The following AMPH variants were observed in gnomAD, a reference collection of about 807,000 sequenced individuals.
AMPH encodes amphiphysin.
A neutral mutation model predicts 99.1 loss-of-function variants in AMPH; 49 were observed. The ratio of observed to expected loss-of-function variants is 0.49; its 90% CI spans 0.39 to 0.63. The LOEUF is 0.63. Ranked by LOEUF, AMPH falls within the 20% of genes least tolerant of loss-of-function variation. The pLI is 0.00. For missense variants in AMPH, 759 were observed against 863.4 expected, an observed-to-expected ratio of 0.88 and a Z score of 1.52; for synonymous variants, 314 against 317.3, an observed-to-expected ratio of 0.99 and a Z score of 0.11.
chr7:38,446,467 G>A (rs56706599), intron 11 of AMPH, among the ~76,000 whole-genome samples: 8,607 of 151,854 alleles, frequency 0.057, 624 homozygotes, highest in East Asian at 0.35. Context: ...ACTCAATAAG[G>A]AGGAATGATA....
At chr7:38,526,570 C>A (rs547865197) in intron 2 of AMPH, among the ~76,000 whole-genome samples, 64 of 151,744 alleles carry the variant, frequency 4.2e-4, no homozygotes, top group Non-Finnish European at 7.6e-4. Context: ...GCCACTGCAC[C>A]CGGCCTCTAT....
chr7:38,451,363 T>C (rs1787018648), intron 11 of AMPH, among the ~76,000 whole-genome samples: 4 of 149,894 alleles, frequency 2.7e-5, no homozygotes, highest in Admixed American at 1.3e-4. Flanking sequence ...TATACACGTA[T>C]ATATATGTGT....
chr7:38,429,766 A>T, intron 14 of AMPH, 76 bp downstream of exon 14: 1 of 1,454,476 alleles, frequency 6.9e-7, no homozygotes, highest in Non-Finnish European at 9.5e-7. Context: ...GAAACAGTTC[A>T]TTCTAGAAAA....
chr7:38,560,217 G>T (rs539230542), intron 1 of AMPH, among the ~76,000 whole-genome samples: 1 of 152,270 alleles, frequency 6.6e-6, no homozygotes, highest in East Asian at 1.9e-4. Context: ...CCCTACTCAT[G>T]ATTATACTTT....
intron 12 of AMPH, among the ~76,000 whole-genome samples, chr7:38,435,256 G>A (rs1034234423): frequency 6.6e-6 from 1 of 152,140 alleles, no homozygotes; most frequent in Non-Finnish European, 1.5e-5. Context: ...AAAGCCTTTA[G>A]AAGCCCAATC....
At chr7:38,601,061 A>T (rs1793229064) in intron 1 of AMPH, among the ~76,000 whole-genome samples, 1 of 152,156 alleles carries the variant, frequency 6.6e-6, no homozygotes, top group South Asian at 2.1e-4. Context: ...GGTCCTTGTT[A>T]TCCAGTGGAT....
At chr7:38,569,977 C>A (rs1433867549) in intron 1 of AMPH, among the ~76,000 whole-genome samples, 5 of 152,010 alleles carry the variant, frequency 3.3e-5, no homozygotes, top group African/African-American at 1.2e-4. Context: ...TTTTTTCAAT[C>A]TAAATGGTAA....
chr7:38,450,932 C>T (rs1253662212), intron 11 of AMPH, among the ~76,000 whole-genome samples: 1 of 151,622 alleles, frequency 6.6e-6, no homozygotes, highest in Non-Finnish European at 1.5e-5. Context: ...CTCTTGTCAC[C>T]TAGGCTGGAA....
intron 15 of AMPH, 36 bp downstream of exon 15, chr7:38,426,918 C>T (rs1437406618): frequency 6.2e-7 from 1 of 1,600,606 alleles, no homozygotes. Context: ...GCATCATTCT[C>T]AGCAGATGGA....
At chr7:38,461,083 TA>T (rs968502975) in intron 11 of AMPH, among the ~76,000 whole-genome samples, 199 bp downstream of exon 11, 9 of 151,990 alleles carry the variant, frequency 5.9e-5, no homozygotes, top group African/African-American at 2.2e-4. Flanking sequence ...TACCCTTAAT[TA>T]AAAAAAAGAT....
At chr7:38,473,848 A>C (rs1432169387) in intron 7 of AMPH, among the ~76,000 whole-genome samples, 1 of 152,088 alleles carries the variant, frequency 6.6e-6, no homozygotes, top group Non-Finnish European at 1.5e-5. Flanking sequence ...GTGAATAACT[A>C]AATAAATTCA....
At chr7:38,593,693 C>G (rs923111090) in intron 1 of AMPH, among the ~76,000 whole-genome samples, 1 of 152,232 alleles carries the variant, frequency 6.6e-6, no homozygotes, top group African/African-American at 2.4e-5. Context: ...CACTGAAATG[C>G]TGCATCCTGT....
At chr7:38,454,466 A>G (rs1787152254) in intron 11 of AMPH, among the ~76,000 whole-genome samples, 1 of 152,106 alleles carries the variant, frequency 6.6e-6, no homozygotes. Context: ...TTTTACTTGT[A>G]GAAAAAAGAG....
chr7:38,608,666 T>TCAAATCA (rs1266953923), intron 1 of AMPH, among the ~76,000 whole-genome samples: 5 of 152,158 alleles, frequency 3.3e-5, no homozygotes, highest in African/African-American at 1.2e-4. Flanking sequence ...TAATCAATAC[T>TCAAATCA]GACATCAAAC....
chr7:38,510,957 C>T (rs1441975364), intron 2 of AMPH, among the ~76,000 whole-genome samples: 1 of 152,064 alleles, frequency 6.6e-6, no homozygotes, highest in Non-Finnish European at 1.5e-5. Flanking sequence ...GTTAAGTCTA[C>T]AGGCTCTGAG....
chr7:38,567,796 T>A (rs1584253985), intron 1 of AMPH, among the ~76,000 whole-genome samples: 1 of 152,218 alleles, frequency 6.6e-6, no homozygotes, highest in African/African-American at 2.4e-5. Context: ...GTTTTGTGTT[T>A]ACATCATTCC....
chr7:38,384,375 G>A lies in AMPH; in HGVS notation c.*443C>T, dbSNP rs1025773418. 6.2e-6 allele frequency: 1 copy of A among 161,246 alleles called. No individual in the cohort carries two copies. The highest frequency in any genetic ancestry group is 1.4e-5 in the Non-Finnish European group (1 of 72,366). The allele number at this position is 161,246 out of a possible 1,614,324, so 10.0% of individuals were successfully genotyped here. A position where few individuals can be genotyped will look rare whatever the true frequency, so the allele number is the denominator to read the frequency against. On this transcript the variant is annotated 3_prime_UTR_variant, in exon 21 of 21. Coordinates refer to ENST00000356264, the MANE Select transcript of AMPH (RefSeq NM_001635.4). The stretch of plus-strand genomic sequence containing the variant: ...TTGCAGCAGTTTAGTTTTAAACATA[G>A]TAAACCTGAAAGGGAGCGAGAGCAC...
chr7:38,417,643 T>C (rs1314884219), intron 17 of AMPH, among the ~76,000 whole-genome samples, 182 bp downstream of exon 17: 2 of 152,224 alleles, frequency 1.3e-5, no homozygotes, highest in African/African-American at 4.8e-5. Flanking sequence ...GTTATCTGGA[T>C]ATCTTCCTTA....
At chr7:38,537,956 T>C (rs906797207) in intron 1 of AMPH, among the ~76,000 whole-genome samples, 1 of 152,170 alleles carries the variant, frequency 6.6e-6, no homozygotes, top group Admixed American at 6.5e-5. Flanking sequence ...AGCACAGCCA[T>C]CCTCAAACAC....
Sources: gnomAD v4.1 joint callset for allele counts (sites outside exome capture counted in the v4.1 genomes callset) on GRCh38, gnomAD v4.1.1 for gene constraint, MANE v1.5 for transcripts, NCBI Gene and HGNC (gene_info 2026-07-23, HGNC 2026-07-21) for gene names.